HSF2BP: variants seen among roughly 807,000 people sequenced by gnomAD.
HSF2BP encodes the protein heat shock factor 2-binding protein.
A neutral mutation model predicts 35.0 loss-of-function variants in HSF2BP; 35 were observed. The observed-to-expected ratio is 1.00, with a 90% CI of 0.76 to 1.32. The LOEUF (loss-of-function observed/expected upper bound fraction) is 1.32. Ranked by LOEUF, HSF2BP falls within the 40% of genes most tolerant of loss-of-function variation. HSF2BP has a pLI of 0.00. For synonymous variants in HSF2BP, 114 were observed against 117.4 expected (o/e 0.97, Z 0.18); for missense variants, 326 against 321.7 (o/e 1.01, Z -0.10).
chr21:43,499,914 C>A, the HSF2BP span, among the ~76,000 whole-genome samples: 4 of 104,246 alleles, frequency 3.8e-5, 1 homozygote, highest in African/African-American at 1.8e-4. Context: ...GTATACCACA[C>A]GTGATCACAC....
intron 8 of HSF2BP, 30 bp downstream of exon 8, chr21:43,592,195 A>G: frequency 3.5e-6 from 5 of 1,444,342 alleles, no homozygotes; most frequent in Non-Finnish European, 4.9e-6. Flanking sequence ...AACCCGTACA[A>G]GCAGCTGGAC....
At chr21:43,604,391 C>A in intron 7 of HSF2BP, among the ~76,000 whole-genome samples, 1 of 142,962 alleles carries the variant, frequency 7.0e-6, no homozygotes. Flanking sequence ...ACACACACCA[C>A]ACACACTACA....
chr21:43,597,916 A>G lies in HSF2BP; in HGVS notation c.693-5588T>C, dbSNP rs2082005365. ...AAGTCCATTATAAAGGGACTAACTA[A>G]ATATACTATGGTACATGTAACACAT... On this transcript the variant is annotated intron_variant, in intron 7 of 8. Coordinates refer to ENST00000291560, the MANE Select transcript of HSF2BP (RefSeq NM_007031.2). The surrounding 1 kb of genome is among the most constrained non-coding windows in gnomAD (Gnocchi z 4.3). Among the ~76,000 whole-genome samples, 1 of 152,224 alleles carries G rather than the reference A, an allele frequency of 6.6e-6. No individual in the cohort carries two copies. Among genetic ancestry groups the G allele is most frequent in the Non-Finnish European group, 1.5e-5 (1 of 68,038 alleles).
chr21:43,627,111 TC>T (rs1294214735), intron 6 of HSF2BP, among the ~76,000 whole-genome samples: 1 of 152,124 alleles, frequency 6.6e-6, no homozygotes, highest in African/African-American at 2.4e-5. Context: ...CTTCAAATGA[TC>T]CACCCGCCTC....
At position 43,592,224 on chromosome 21, in the gene HSF2BP, C is replaced by T. The variant is rs750694018; in HGVS notation, c.796+1G>A. 6.2e-7 allele frequency: 1 copy of T among 1,606,284 alleles called. No homozygotes were observed. ...GCTGGACAGATAACCACCCCCCTTA[C>T]CACTCAAAAGCCACCACAGCAAAGG... On this transcript the variant is annotated splice_donor_variant, in intron 8 of 8. Transcript: ENST00000291560. LOFTEE classifies it high-confidence loss of function.
chr21:43,597,275 A>T lies in HSF2BP; in HGVS notation c.693-4947T>A, dbSNP rs1328654975. Among the ~76,000 whole-genome samples the T allele has an allele frequency of 6.6e-6, 1 of 152,110 alleles. No homozygotes were observed. Reference sequence around the variant, plus strand: ...GCTGACAGCCAGCTAGGACACACATAATTCCCTTCAGGAAAAGATAACAGA... The same window carrying T: ...GCTGACAGCCAGCTAGGACACACATTATTCCCTTCAGGAAAAGATAACAGA... On this transcript the variant is annotated intron_variant, in intron 7 of 8. Transcript: ENST00000291560. This position sits in a 1 kb window ranked among gnomAD's most constrained non-coding sequence, Gnocchi z 4.3.
intron 3 of HSF2BP, among the ~76,000 whole-genome samples, chr21:43,652,093 A>T (rs1006396383): frequency 2.0e-5 from 3 of 152,156 alleles, no homozygotes; most frequent in African/African-American, 4.8e-5. Flanking sequence ...TCCTACCTTC[A>T]GGTTGCCTTT....
intron 8 of HSF2BP, among the ~76,000 whole-genome samples, chr21:43,588,269 T>C (rs2081881870): frequency 6.6e-6 from 1 of 151,854 alleles, no homozygotes; most frequent in Admixed American, 6.6e-5. Flanking sequence ...TTCCAGCTAC[T>C]TGGGAGGCTG....
intron 8 of HSF2BP, among the ~76,000 whole-genome samples, chr21:43,572,544 G>A (rs765024538): frequency 5.9e-5 from 9 of 152,192 alleles, no homozygotes; most frequent in African/African-American, 1.9e-4. Context: ...CGCACACAGG[G>A]AAGGCCCACT....
intron 7 of HSF2BP, among the ~76,000 whole-genome samples, chr21:43,613,037 C>T (rs1394464111): frequency 6.6e-6 from 1 of 152,148 alleles, no homozygotes; most frequent in Non-Finnish European, 1.5e-5. Flanking sequence ...GGAGTTTATC[C>T]AGGTATGCCT....
At position 43,624,281 on chromosome 21, in the gene HSF2BP, G is replaced by GAGTCT. The variant is rs1298845666; in HGVS notation, c.574+6040_574+6041insAGACT. On this transcript the variant is annotated intron_variant, in intron 6 of 8. Transcript: ENST00000291560. ...ACTGCTGACTTAGACTCTGACAACA[G>GAGTCT]AAGACCAGTAAGTTTAAGCTCAAAA... is the stretch of plus-strand genomic sequence containing the variant. 3.9e-5 allele frequency among the ~76,000 whole-genome samples: 6 copies of GAGTCT among 152,302 alleles called. No individual in the cohort carries two copies. In the East Asian group the frequency reaches 1.2e-3, roughly 29 times the overall value.
intron 5 of HSF2BP, among the ~76,000 whole-genome samples, chr21:43,632,172 C>T (rs1315358756): frequency 7.5e-6 from 1 of 133,590 alleles, no homozygotes; most frequent in Admixed American, 7.6e-5. Flanking sequence ...CACACACACA[C>T]GCTCCCCCAC....
rs754374613 is a variant in HSF2BP, at chr21:43,644,397, G to A, written c.188-5C>T. ...CTTGCTCTTTCCTTTCCAGGTCTAG[G>A]AGAAAGACATAAAATTACTCAAGAT... On this transcript the variant is annotated splice_region_variant and splice_polypyrimidine_tract_variant and intron_variant, in intron 3 of 8. Coordinates refer to ENST00000291560, the MANE Select transcript of HSF2BP (RefSeq NM_007031.2). The A allele has an allele frequency of 1.2e-6, 2 of 1,608,290 alleles. No homozygotes were observed. Among genetic ancestry groups the A allele is most frequent in the Non-Finnish European group, 1.7e-6 (2 of 1,174,664 alleles).
chr21:43,572,695 G>A (rs1404942376), intron 8 of HSF2BP, among the ~76,000 whole-genome samples: 2 of 152,210 alleles, frequency 1.3e-5, no homozygotes, highest in African/African-American at 2.4e-5. Context: ...AACCAATGAT[G>A]TCTGGCAAAA....
At chr21:43,602,017 G>A (rs1568902525) in intron 7 of HSF2BP, among the ~76,000 whole-genome samples, 1 of 152,174 alleles carries the variant, frequency 6.6e-6, no homozygotes, top group Non-Finnish European at 1.5e-5. Context: ...AAAATGCACA[G>A]TAACACTCTG....
intron 6 of HSF2BP, among the ~76,000 whole-genome samples, chr21:43,614,282 G>A (rs2082244729): frequency 6.6e-6 from 1 of 151,344 alleles, no homozygotes; most frequent in African/African-American, 2.4e-5. Context: ...AGGATTGCTT[G>A]AGCCTAGGAG....
chr21:43,613,608 G>A (rs112043504), intron 7 of HSF2BP, among the ~76,000 whole-genome samples: 3 of 151,918 alleles, frequency 2.0e-5, no homozygotes, highest in African/African-American at 7.3e-5. Context: ...GATAATACTG[G>A]GACTCACTGA....
Position 43,647,941 on chromosome 21 carries a change from A to C in HSF2BP, c.188-3549T>G, listed in dbSNP as rs139239751. Among the ~76,000 whole-genome samples, 44 of 146,196 alleles carry C rather than the reference A, an allele frequency of 3.0e-4. 1 individual carries two copies. The highest frequency in any genetic ancestry group is 8.0e-4 in the East Asian group (4 of 5,000). Reference sequence around the variant, plus strand: ...AAGACTTCATCTCAAAAAAAAAAAAAAAAAAAAAAAACTAAAATCAATCTT... The same window carrying C: ...AAGACTTCATCTCAAAAAAAAAAAACAAAAAAAAAAACTAAAATCAATCTT... On this transcript the variant is annotated intron_variant, in intron 3 of 8. Transcript: ENST00000291560.
At chr21:43,625,422 G>T (rs2082377762) in intron 6 of HSF2BP, among the ~76,000 whole-genome samples, 3 of 152,174 alleles carry the variant, frequency 2.0e-5, no homozygotes, top group Admixed American at 6.5e-5. Context: ...TTGGGCTGGT[G>T]ATGAGTGGAG....
Sources: gnomAD v4.1 joint callset for allele counts (sites outside exome capture counted in the v4.1 genomes callset) on GRCh38, gnomAD v4.1.1 for gene constraint, Gnocchi (gnomAD v3.1) non-coding constraint, MANE v1.5 for transcripts, NCBI Gene and HGNC (gene_info 2026-07-23, HGNC 2026-07-21) for gene names.